The following SCNN1D variants were observed in gnomAD, a reference collection of about 807,000 sequenced individuals.
SCNN1D encodes epithelial sodium channel subunit delta.
Under a neutral mutation model 87.8 loss-of-function variants are expected in SCNN1D, and 104 were observed. That is an observed-to-expected ratio of 1.18 (90% confidence interval 1.01 to 1.39). The LOEUF is 1.39. SCNN1D is among the 40% of genes most tolerant of loss of function. The probability of loss-of-function intolerance (pLI) is 0.00; values close to 1 mark genes in which losing one functional copy is unlikely to be tolerated. For synonymous variants in SCNN1D, 628 were observed against 481.2 expected (o/e 1.31, Z -3.99); for missense variants, 1,324 against 1,093.9 (o/e 1.21, Z -2.97).
Position 1,291,823 on chromosome 1 carries a change from T to C in SCNN1D, c.*213T>C, listed in dbSNP as rs918038638. 2.2e-5 allele frequency: 10 copies of C among 455,248 alleles called. No individual in the cohort carries two copies. Among genetic ancestry groups the C allele is most frequent in the African/African-American group, 2.0e-4 (10 of 49,244 alleles). 28.2% of individuals were successfully genotyped at this position (455,248 alleles called of 1,614,324 possible). Reference sequence around the variant, plus strand: ...CAAGGAGGCCCGGGGCGGAGGGGGGTTCCCGCGTGCACACGAGTGCGGCTG... The same window carrying C: ...CAAGGAGGCCCGGGGCGGAGGGGGGCTCCCGCGTGCACACGAGTGCGGCTG... On this transcript the variant is annotated 3_prime_UTR_variant, in exon 18 of 18. Transcript: ENST00000379116.
At chr1:1,290,583 C>G (rs1307861246) in intron 14 of SCNN1D, 28 bp downstream of exon 14, 1 of 1,612,584 alleles carries the variant, frequency 6.2e-7, no homozygotes, top group Non-Finnish European at 8.5e-7. Context: ...GGGTCGCGGC[C>G]AGGGATCATT....
rs757907979 is a variant in SCNN1D, at chr1:1,287,942, G to A, written c.1567G>A (p.Glu523Lys). The A allele has an allele frequency of 1.2e-4, 188 of 1,542,372 alleles. No homozygotes were observed. Among genetic ancestry groups the A allele is most frequent in the Non-Finnish European group, 1.6e-4 (183 of 1,141,890 alleles). The change falls in exon 12 of 18, where the codon GAG becomes AAG. Residue 523 changes from glutamate (E) to lysine (K), a missense_variant. Transcript: ENST00000379116. ...GAACTGAAGCGTCCCCTCCCAGGAC[G>A]AGGTGCACCGGCTCGGGAGCCCCTA... ...TEATISIREDEVHRLGSPYGH... is the reference protein window; with the variant it reads ...TEATISIREDKVHRLGSPYGH...
At position 1,288,057 on chromosome 1, in the gene SCNN1D, G is replaced by A; in HGVS notation, c.1662+20G>A. 1.3e-6 allele frequency: 2 copies of A among 1,502,906 alleles called. No homozygotes were observed. The highest frequency in any genetic ancestry group is 1.8e-6 in the Non-Finnish European group (2 of 1,117,542). The allele number at this position is 1,502,906 out of a possible 1,614,324, so 93.1% of individuals were successfully genotyped here. On this transcript the variant is annotated intron_variant, in intron 12 of 17. Transcript: ENST00000379116. ...AGGCAGGTGAGGCTGGGCTGGCAGGGGGTGCGGGGGCAGGTGAGGCTGGGC... is the reference window on the plus strand; with the variant it reads ...AGGCAGGTGAGGCTGGGCTGGCAGGAGGTGCGGGGGCAGGTGAGGCTGGGC...
chr1:1,283,013 A>G (rs1303410057), intron 4 of SCNN1D, among the ~76,000 whole-genome samples: 2 of 151,904 alleles, frequency 1.3e-5, no homozygotes, highest in East Asian at 1.9e-4. Context: ...CGGCCTCCCA[A>G]AGTGCTGAGA....
rs1384364690 is a variant in SCNN1D at position 1,290,635 on chromosome 1, AG to A, written c.1861del. On this transcript the variant is annotated splice_acceptor_variant, in intron 14 of 17. Coordinates refer to ENST00000379116, the MANE Select transcript of SCNN1D (RefSeq NM_001130413.4). LOFTEE classifies it high-confidence loss of function. ...CAGGTGACACCCGGCTGTCTCTTCCAGGGAGTCTGCATTCAAGCTCTCCACT... is the reference window on the plus strand; with the variant it reads ...CAGGTGACACCCGGCTGTCTCTTCCAGGAGTCTGCATTCAAGCTCTCCACT... The A allele has an allele frequency of 6.2e-7, 1 of 1,612,604 alleles. No individual in the cohort carries two copies. The highest frequency in any genetic ancestry group is 8.5e-7 in the Non-Finnish European group (1 of 1,179,916).
rs374104468 is a variant in SCNN1D at position 1,287,926 on chromosome 1, C to T, written c.1564-13C>T. 4.0e-3 allele frequency: 6,071 copies of T among 1,535,574 alleles called. 18 individuals carry two copies. Among genetic ancestry groups the T allele is most frequent in the Non-Finnish European group, 5.0e-3 (5,651 of 1,137,486 alleles). On this transcript the variant is annotated splice_polypyrimidine_tract_variant and intron_variant, in intron 11 of 17. Coordinates refer to ENST00000379116, the MANE Select transcript of SCNN1D (RefSeq NM_001130413.4). ...GAGGGCAGGGCCCATGGAACTGAAG[C>T]GTCCCCTCCCAGGACGAGGTGCACC...
In SCNN1D at chr1:1,290,762, C is replaced by T. The variant is rs955604883; in HGVS notation, c.1917+68C>T. ...CAGACCCCACAGGTCCCACAGAGCC[C>T]ACCCAAGACAAGGGCAGGGCCGGAA... On this transcript the variant is annotated intron_variant, in intron 15 of 17. Coordinates refer to ENST00000379116, the MANE Select transcript of SCNN1D (RefSeq NM_001130413.4). 18 of 1,596,526 alleles carry T rather than the reference C, an allele frequency of 1.1e-5. 1 individual carries two copies. Among genetic ancestry groups the T allele is most frequent in the African/African-American group, 9.4e-5 (7 of 74,500 alleles).
rs1217212402 is a variant in SCNN1D, at chr1:1,290,333, C to G, written c.1725C>G (p.Leu575=). ...MVETCSCGYY[L]HPLPAGAEYC... ...AGACCTGCTCCTGTGGCTACTACCT[C>G]CACCCTCTGCCGGCGGGGGCTGAGT... is the stretch of plus-strand genomic sequence containing the variant. Residue 575 remains leucine, a synonymous_variant, in exon 13 of 18, where the codon CTC becomes CTG. Coordinates refer to ENST00000379116, the MANE Select transcript of SCNN1D (RefSeq NM_001130413.4). 4.4e-6 allele frequency: 7 copies of G among 1,595,974 alleles called. No individual in the cohort carries two copies. Among genetic ancestry groups the G allele is most frequent in the Middle Eastern group, 1.7e-4 (1 of 5,976 alleles).
Position 1,291,411 on chromosome 1 carries a change from C to T in SCNN1D, c.2210C>T (p.Pro737Leu), listed in dbSNP as rs1640813805. 3 of 1,607,714 alleles carry T rather than the reference C, an allele frequency of 1.9e-6. No homozygotes were observed. The highest frequency in any genetic ancestry group is 2.2e-5 in the East Asian group (1 of 44,786). ...CTCCGCAGGGCGTGGTTCTCCTGGCCCAGAGCCAGCCCTGCCTCAGGGGCG... is the reference window on the plus strand; with the variant it reads ...CTCCGCAGGGCGTGGTTCTCCTGGCTCAGAGCCAGCCCTGCCTCAGGGGCG... Reference protein sequence around the residue: ...RRLRRAWFSWPRASPASGASS... With the variant: ...RRLRRAWFSWLRASPASGASS... Residue 737 changes from proline (P) to leucine (L), a missense_variant, in exon 18 of 18, where the codon CCC becomes CTC. Physicochemically the swap from Pro to Leu is moderately conservative, Grantham distance 98. Transcript: ENST00000379116.
Position 1,281,440 on chromosome 1 carries a change from G to A in SCNN1D, c.107G>A (p.Arg36Lys), listed in dbSNP as rs1640468722. The A allele has an allele frequency of 6.6e-7, 1 of 1,520,490 alleles. No individual in the cohort carries two copies. Among genetic ancestry groups the A allele is most frequent in the Non-Finnish European group, 8.8e-7 (1 of 1,138,304 alleles). The allele number at this position is 1,520,490 out of a possible 1,614,324, so 94.2% of individuals were successfully genotyped here. A position where few individuals can be genotyped will look rare whatever the true frequency, so the allele number is the denominator to read the frequency against. The change falls in exon 3 of 18, where the codon AGG (arginine) becomes AAG (lysine). Residue 36 changes from arginine to lysine, a missense_variant. Coordinates refer to ENST00000379116, the MANE Select transcript of SCNN1D (RefSeq NM_001130413.4). ...RLTWSWCSDH[R>K]TPTCRELGSP... ...ACCTGGTCATGGTGCAGTGACCACA[G>A]GACCCCCACATGCCGGGAGCTGGGT...
intron 14 of SCNN1D, 34 bp downstream of exon 14, chr1:1,290,589 T>C: frequency 6.2e-7 from 1 of 1,612,452 alleles, no homozygotes; most frequent in South Asian, 1.1e-5. Context: ...CGGCCAGGGA[T>C]CATTGCCCCA....
chr1:1,290,936 T>C lies in SCNN1D; in HGVS notation c.1959T>C (p.His653=). The change falls in exon 16 of 18, where the codon CAT becomes CAC. Residue 653 remains histidine, a synonymous_variant. Coordinates refer to ENST00000379116, the MANE Select transcript of SCNN1D (RefSeq NM_001130413.4). The stretch of plus-strand genomic sequence containing the variant: ...CGCTAGGTGAACAGGGGCTGCCGCA[T>C]CAGAGCCACAGACAGAGGTGGGTGC... ...LATLGEQGLP[H]QSHRQRSSLA... 1 of 1,610,012 alleles carries C rather than the reference T, an allele frequency of 6.2e-7. No individual in the cohort carries two copies. The highest frequency in any genetic ancestry group is 8.5e-7 in the Non-Finnish European group (1 of 1,178,812).
rs115316182 is a variant in SCNN1D at position 1,287,310 on chromosome 1, C to A, written c.1310+11C>A. ...GGACTGCCAGGCCCGGTGAGTGTGG[C>A]GGGCGGGGGCCACTCCTTCCGTCCC... On this transcript the variant is annotated intron_variant, in intron 9 of 17. Coordinates refer to ENST00000379116, the MANE Select transcript of SCNN1D (RefSeq NM_001130413.4). The A allele has an allele frequency of 4.5e-6, 7 of 1,564,634 alleles. No individual in the cohort carries two copies. In the Admixed American group the frequency reaches 5.4e-5, roughly 12 times the overall value.
Position 1,290,879 on chromosome 1 carries a change from A to G in SCNN1D, c.1918-16A>G. 1 of 1,609,320 alleles carries G rather than the reference A, an allele frequency of 6.2e-7. No homozygotes were observed. The highest frequency in any genetic ancestry group is 8.5e-7 in the Non-Finnish European group (1 of 1,178,848). On this transcript the variant is annotated splice_polypyrimidine_tract_variant and intron_variant, in intron 15 of 17. Transcript: ENST00000379116. The stretch of plus-strand genomic sequence containing the variant: ...GCATGGGGGAGCCGTGGCCACAGCA[A>G]ACCTTCCGTCTGCAGGGATGGACTC...
chr1:1,281,321 C>G (rs2100306199), intron 2 of SCNN1D, 24 bp downstream of exon 2: 1 of 1,535,502 alleles, frequency 6.5e-7, no homozygotes, highest in Admixed American at 2.0e-5. Flanking sequence ...CATGCTCGGT[C>G]AATGGGGCCT....
chr1:1,290,491 C>T lies in SCNN1D; in HGVS notation c.1795C>T (p.Arg599Cys), dbSNP rs369618401. ...RHPAWGHCFY[R>C]LYQDLETHRL... ...CCCTCCCCAAGGACACTGCTTCTAC[C>T]GCCTCTACCAGGACCTGGAGACCCA... The change falls in exon 14 of 18, where the codon CGC (arginine) becomes TGC (cysteine). Residue 599 changes from arginine (R) to cysteine (C), a missense_variant. By Grantham distance (180) the Arg-to-Cys change is radical. Transcript: ENST00000379116. The T allele has an allele frequency of 6.3e-5, 102 of 1,612,722 alleles. No homozygotes were observed. Among genetic ancestry groups the T allele is most frequent in the Non-Finnish European group, 8.1e-5 (96 of 1,179,924 alleles).
chr1:1,291,636 C>G lies in SCNN1D; in HGVS notation c.*26C>G. 6.8e-7 allele frequency: 1 copy of G among 1,471,232 alleles called. No homozygotes were observed. The highest frequency in any genetic ancestry group is 9.1e-7 in the Non-Finnish European group (1 of 1,099,676). 91.1% of individuals were successfully genotyped at this position (1,471,232 alleles called of 1,614,324 possible). A position where few individuals can be genotyped will look rare whatever the true frequency, so the allele number is the denominator to read the frequency against. On this transcript the variant is annotated 3_prime_UTR_variant, in exon 18 of 18. Transcript: ENST00000379116. ...ACCAGACCTGCCAGGGCTGTGCGAT[C>G]TCTTGGCCTGGTCCTTGCAGCTGTG...
Position 1,286,296 on chromosome 1 carries a change from C to G in SCNN1D, c.911+18C>G. The G allele has an allele frequency of 6.5e-7, 1 of 1,541,092 alleles. No individual in the cohort carries two copies. The highest frequency in any genetic ancestry group is 8.7e-7 in the Non-Finnish European group (1 of 1,143,826). On this transcript the variant is annotated intron_variant, in intron 7 of 17. Transcript: ENST00000379116. ...CCACGTCGGTGAGGGCCAGGGCTGT[C>G]GGCGGGAGGGGTGGCCGCCCCAGCT...
chr1:1,288,565 C>T (rs1472144304), intron 12 of SCNN1D, among the ~76,000 whole-genome samples: 1 of 47,230 alleles, frequency 2.1e-5, no homozygotes, highest in Non-Finnish European at 4.0e-5. Context: ...GTCTCTGCTC[C>T]GTCCCCCGTG....
Sources: allele counts gnomAD v4.1 joint callset (sites outside exome capture counted in the v4.1 genomes callset), GRCh38; gene constraint gnomAD v4.1.1; transcripts MANE v1.5; gene names NCBI Gene and HGNC (gene_info 2026-07-23, HGNC 2026-07-21).